FAM72C: variants seen among roughly 807,000 people sequenced by gnomAD.
FAM72C encodes the protein protein FAM72C.
Under a neutral mutation model 5.2 loss-of-function variants are expected in FAM72C, and 1 was observed. That is an observed-to-expected ratio of 0.19 (90% CI 0.07 to 0.91). The LOEUF (loss-of-function observed/expected upper bound fraction) is 0.91. Among genes scored for constraint, FAM72C ranks in the 40% least tolerant of loss-of-function variants. FAM72C has a pLI of 0.66. For missense variants in FAM72C, 4 were observed against 66.0 expected (o/e 0.06, Z 3.25); for synonymous variants, 1 against 21.8 (o/e 0.05, Z 2.66).
rs1275884697 is a variant in FAM72C, at chr1:143,959,962, G to T, written c.356-3481C>A. Among the ~76,000 whole-genome samples, 13 of 137,034 alleles carry T rather than the reference G, an allele frequency of 9.5e-5. 2 individuals carry two copies. Among genetic ancestry groups the T allele is most frequent in the Non-Finnish European group, 2.1e-4 (13 of 63,036 alleles). 89.9% of individuals were successfully genotyped at this position (137,034 alleles called of 152,430 possible). A position where few individuals can be genotyped will look rare whatever the true frequency, so the allele number is the denominator to read the frequency against. ...ACTACACTCCAGCCTGGGTGACAGA[G>T]CAAGACCCTGTCTCCAAAAAAAAAA... On this transcript the variant is annotated intron_variant, in intron 3 of 3. Transcript: ENST00000584486.
chr1:143,955,468 T>A lies in FAM72C; in HGVS notation c.*919A>T, dbSNP rs1359791749. On this transcript the variant is annotated 3_prime_UTR_variant, in exon 4 of 4. Transcript: ENST00000584486. ...TTAAAGAGATACATTTATTTTAGAG[T>A]TACATAAAACCAGAATCCAACACTA... 7.1e-6 allele frequency: 1 copy of A among 140,044 alleles called. No homozygotes were observed. Among genetic ancestry groups the A allele is most frequent in the Non-Finnish European group, 1.6e-5 (1 of 64,230 alleles). 8.7% of individuals were successfully genotyped at this position (140,044 alleles called of 1,614,324 possible).
intron 3 of FAM72C, among the ~76,000 whole-genome samples, chr1:143,960,883 G>T (rs1445434345): frequency 1.5e-5 from 2 of 129,858 alleles, no homozygotes; most frequent in African/African-American, 5.8e-5. Context: ...GCCCAGGCTG[G>T]AGTGCAGCGG....
chr1:143,967,044 A>C (rs1661792913), intron 2 of FAM72C, among the ~76,000 whole-genome samples: 2 of 143,454 alleles, frequency 1.4e-5, no homozygotes. Flanking sequence ...AAACAAAAAA[A>C]ATGTCGTTGC....
chr1:143,960,177 G>A, intron 3 of FAM72C, among the ~76,000 whole-genome samples: 1 of 88,676 alleles, frequency 1.1e-5, no homozygotes, highest in Non-Finnish European at 2.3e-5. Flanking sequence ...AGGCTGAGGT[G>A]GGCGGATCAC....
chr1:143,955,589 CA>C lies in FAM72C; in HGVS notation c.*797del, dbSNP rs1553517455. 6.9e-6 allele frequency: 1 copy of C among 144,140 alleles called. No homozygotes were observed. Among genetic ancestry groups the C allele is most frequent in the Admixed American group, 6.9e-5 (1 of 14,422 alleles). The allele number at this position is 144,140 out of a possible 1,614,324, so 8.9% of individuals were successfully genotyped here. On this transcript the variant is annotated 3_prime_UTR_variant, in exon 4 of 4. Coordinates refer to ENST00000584486, the MANE Select transcript of FAM72C (RefSeq NM_001287385.2). Reference sequence around the variant, plus strand: ...AAACAAAACAGCTCTTTATAATGTACAATGGCTTAAGCAAATCGCTTTAGTT... The same window carrying C: ...AAACAAAACAGCTCTTTATAATGTACATGGCTTAAGCAAATCGCTTTAGTT...
At position 143,964,966 on chromosome 1, in the gene FAM72C, C is replaced by G. The variant is rs1553518146; in HGVS notation, c.244G>C (p.Val82Leu). The change falls in exon 3 of 4, where the codon GTT (valine) becomes CTT (leucine). Residue 82 changes from valine to leucine, a missense_variant. Transcript: ENST00000584486. ...CTACATGGAACAATCACATGATAAA[C>G]TACAATGTTCCCACTAGAAAAGAAA... ...IACLKCGNIV[V>L]YHVIVPCSSC... 1 of 1,568,212 alleles carries G rather than the reference C, an allele frequency of 6.4e-7. No individual in the cohort carries two copies. Among genetic ancestry groups the G allele is most frequent in the East Asian group, 2.3e-5 (1 of 43,108 alleles).
chr1:143,965,182 T>C (rs1222025967), intron 2 of FAM72C, among the ~76,000 whole-genome samples: 1 of 94,282 alleles, frequency 1.1e-5, no homozygotes, highest in African/African-American at 3.9e-5. Context: ...TAAAATATTC[T>C]CACATTTCTT....
At chr1:143,960,831 ATTTTTT>A (rs1255827785) in intron 3 of FAM72C, among the ~76,000 whole-genome samples, 1 of 115,312 alleles carries the variant, frequency 8.7e-6, no homozygotes, top group African/African-American at 3.4e-5. Flanking sequence ...TTACTAAAAT[ATTTTTT>A]TTTTTTTTTT....
intron 3 of FAM72C, among the ~76,000 whole-genome samples, chr1:143,962,106 C>T (rs1215720062): frequency 7.4e-6 from 1 of 135,846 alleles, no homozygotes; most frequent in African/African-American, 2.7e-5. Flanking sequence ...CCTCCGCCTC[C>T]CGGGTTCAAG....
chr1:143,955,446 A>G lies in FAM72C; in HGVS notation c.*941T>C, dbSNP rs1661446530. 1 of 137,556 alleles carries G rather than the reference A, an allele frequency of 7.3e-6. No homozygotes were observed. Among genetic ancestry groups the G allele is most frequent in the Non-Finnish European group, 1.6e-5 (1 of 63,012 alleles). 8.5% of individuals were successfully genotyped at this position (137,556 alleles called of 1,614,324 possible). A position where few individuals can be genotyped will look rare whatever the true frequency, so the allele number is the denominator to read the frequency against. Reference sequence around the variant, plus strand: ...CAAAATCCCTACAACTGAGATATTAAAGAGATACATTTATTTTAGAGTTAC... The same window carrying G: ...CAAAATCCCTACAACTGAGATATTAGAGAGATACATTTATTTTAGAGTTAC... On this transcript the variant is annotated 3_prime_UTR_variant, in exon 4 of 4. Transcript: ENST00000584486.
intron 3 of FAM72C, among the ~76,000 whole-genome samples, chr1:143,964,582 GGC>G (rs1553518114): frequency 3.6e-4 from 1 of 2,752 alleles, no homozygotes; most frequent in East Asian, 6.1e-3. Flanking sequence ...TATGTATCAA[GGC>G]AGCAGTTAAG....
At chr1:143,965,816 C>A (rs1398632979) in intron 2 of FAM72C, among the ~76,000 whole-genome samples, 4 of 94,612 alleles carry the variant, frequency 4.2e-5, no homozygotes, top group Non-Finnish European at 8.8e-5. Flanking sequence ...AGAAATAAAG[C>A]AATCTACAGC....
rs1173013158 is a variant in FAM72C at position 143,962,180 on chromosome 1, A to G, written c.355+2675T>C. ...TAGGCATGCGCCACCATGCCCAGCT[A>G]ATTTTGTATTTTTAGTAGAGACGGG... is the stretch of plus-strand genomic sequence containing the variant. On this transcript the variant is annotated intron_variant, in intron 3 of 3. Transcript: ENST00000584486. Among the ~76,000 whole-genome samples, 4 of 140,094 alleles carry G rather than the reference A, an allele frequency of 2.9e-5. 1 individual carries two copies. Among genetic ancestry groups the G allele is most frequent in the Non-Finnish European group, 6.3e-5 (4 of 63,508 alleles). 91.9% of individuals were successfully genotyped at this position (140,094 alleles called of 152,430 possible). A position where few individuals can be genotyped will look rare whatever the true frequency, so the allele number is the denominator to read the frequency against.
At chr1:143,959,138 G>C (rs1205479632) in intron 3 of FAM72C, among the ~76,000 whole-genome samples, 1 of 139,060 alleles carries the variant, frequency 7.2e-6, no homozygotes, top group Non-Finnish European at 1.5e-5. Context: ...AAGAAGGGAG[G>C]AAGGAAATCC....
Position 143,955,419 on chromosome 1 carries a change from G to T in FAM72C, c.*968C>A, listed in dbSNP as rs1385622946. 1 of 136,070 alleles carries T rather than the reference G, an allele frequency of 7.3e-6. No homozygotes were observed. 8.4% of individuals were successfully genotyped at this position (136,070 alleles called of 1,614,324 possible). A position where few individuals can be genotyped will look rare whatever the true frequency, so the allele number is the denominator to read the frequency against. On this transcript the variant is annotated 3_prime_UTR_variant, in exon 4 of 4. Coordinates refer to ENST00000584486, the MANE Select transcript of FAM72C (RefSeq NM_001287385.2). ...CCACAACTCAGTCTGCTTTGGTATT[G>T]ACAAAATCCCTACAACTGAGATATT...
At chr1:143,960,708 T>A (rs1570988540) in intron 3 of FAM72C, among the ~76,000 whole-genome samples, 1 of 103,240 alleles carries the variant, frequency 9.7e-6, no homozygotes, top group African/African-American at 4.1e-5. Context: ...GAAACAAGAG[T>A]GAAACTCTGT....
intron 2 of FAM72C, among the ~76,000 whole-genome samples, chr1:143,967,297 G>T (rs1184958353): frequency 1.4e-5 from 2 of 145,320 alleles, no homozygotes. Flanking sequence ...GGCCAACATG[G>T]TGAAACCCTG....
chr1:143,957,617 C>CT (rs1244763857), intron 3 of FAM72C, among the ~76,000 whole-genome samples: 235 of 134,064 alleles, frequency 1.8e-3, no homozygotes, highest in African/African-American at 2.4e-3. Flanking sequence ...AAAAGCAAAT[C>CT]TTTTTTTTTT....
rs1443928936 is a variant in FAM72C, at chr1:143,962,279, G to C, written c.355+2576C>G. Among the ~76,000 whole-genome samples, 3 of 143,476 alleles carry C rather than the reference G, an allele frequency of 2.1e-5. 1 individual carries two copies. The highest frequency in any genetic ancestry group is 4.6e-5 in the Non-Finnish European group (3 of 64,896). 94.1% of individuals were successfully genotyped at this position (143,476 alleles called of 152,430 possible). A position where few individuals can be genotyped will look rare whatever the true frequency, so the allele number is the denominator to read the frequency against. ...TCTGCCCGCTTCGGCCTCCCAAACT[G>C]CTGGGATTACAGGCGTGAGCCACCG... On this transcript the variant is annotated intron_variant, in intron 3 of 3. Transcript: ENST00000584486.
Sources: gnomAD v4.1 joint callset for allele counts (sites outside exome capture counted in the v4.1 genomes callset) on GRCh38, gnomAD v4.1.1 for gene constraint, MANE v1.5 for transcripts, NCBI Gene and HGNC (gene_info 2026-07-23, HGNC 2026-07-21) for gene names.